The following PSMD14 variants were observed in gnomAD, a reference collection of about 807,000 sequenced individuals.
PSMD14 encodes ubiquitin C-terminal hydrolase PSMD14.
PSMD14 carries 7 observed loss-of-function variants against 41.2 expected under a neutral mutation model. The ratio of observed to expected loss-of-function variants is 0.17; its 90% confidence interval spans 0.10 to 0.32. The LOEUF (loss-of-function observed/expected upper bound fraction) is 0.32, where lower values mean the gene tolerates loss of function less well. Ranked by LOEUF, PSMD14 falls within the 10% of genes least tolerant of loss-of-function variation. PSMD14 has a pLI of 1.00. For synonymous variants in PSMD14, 114 were observed against 122.3 expected (o/e 0.93, Z 0.45); for missense variants, 139 against 375.6 (o/e 0.37, Z 5.21).
At chr2:161,374,130 A>T (rs1257653717) in intron 7 of PSMD14, among the ~76,000 whole-genome samples, 2 of 151,938 alleles carry the variant, frequency 1.3e-5, no homozygotes, top group Admixed American at 1.3e-4. Flanking sequence ...GTATTAAACC[A>T]CTATGAATGA....
At chr2:161,371,053 C>A in intron 6 of PSMD14, 119 bp from the exon 7 acceptor site, 1 of 1,155,420 alleles carries the variant, frequency 8.7e-7, no homozygotes, top group South Asian at 1.8e-5. Flanking sequence ...GGTGCTTTTT[C>A]ACACCTGTGT....
At chr2:161,340,907 G>A in intron 3 of PSMD14, 1 of 1,613,902 alleles carries the variant, frequency 6.2e-7, no homozygotes, top group Non-Finnish European at 8.5e-7. Flanking sequence ...TGTATTTGAA[G>A]GAGAAGCCTT....
At chr2:161,341,790 G>T (rs1023490854) in intron 3 of PSMD14, among the ~76,000 whole-genome samples, 1 of 141,310 alleles carries the variant, frequency 7.1e-6, no homozygotes, top group African/African-American at 2.7e-5. Context: ...AGTGAGCCGA[G>T]ATCAGCCACT....
chr2:161,353,862 T>G (rs1683154320), intron 3 of PSMD14, among the ~76,000 whole-genome samples: 1 of 152,224 alleles, frequency 6.6e-6, no homozygotes, highest in African/African-American at 2.4e-5. Context: ...TCTCTGTGTG[T>G]AATATTTCAT....
rs768224815 is a variant in PSMD14, at chr2:161,402,642, TAAACA to T, written c.772-6176_772-6172del. On this transcript the variant is annotated intron_variant, in intron 10 of 11. Coordinates refer to ENST00000409682, the MANE Select transcript of PSMD14 (RefSeq NM_005805.6). ...GGCAACAGAGCAAGGCTCTGTCTCT[TAAACA>T]AAACAAAACAAAACAAAAATGAAAA... 1.4e-3 allele frequency among the ~76,000 whole-genome samples: 215 copies of T among 150,716 alleles called. 1 individual carries two copies. The highest frequency in any genetic ancestry group is 2.3e-3 in the South Asian group (11 of 4,736).
At chr2:161,314,107 A>G (rs1441879838) in intron 1 of PSMD14, among the ~76,000 whole-genome samples, 2 of 152,244 alleles carry the variant, frequency 1.3e-5, no homozygotes, top group African/African-American at 2.4e-5. Context: ...TTTTAGATTT[A>G]TAGGCACCAT....
intron 9 of PSMD14, among the ~76,000 whole-genome samples, chr2:161,392,445 C>T (rs1683724942): frequency 1.3e-5 from 2 of 152,266 alleles, no homozygotes; most frequent in Admixed American, 6.5e-5. Flanking sequence ...GTGAGTTGGG[C>T]TCTCCACGCT....
At chr2:161,401,202 C>A (rs1269449749) in intron 10 of PSMD14, among the ~76,000 whole-genome samples, 1 of 152,186 alleles carries the variant, frequency 6.6e-6, no homozygotes, top group East Asian at 1.9e-4. Flanking sequence ...TTTTCTCTAG[C>A]TTACTTCGTT....
At chr2:161,331,778 G>A (rs1285162201) in intron 3 of PSMD14, among the ~76,000 whole-genome samples, 1 of 152,194 alleles carries the variant, frequency 6.6e-6, no homozygotes, top group South Asian at 2.1e-4. Context: ...AAAAAATGGG[G>A]TGGGGGAGCA....
chr2:161,385,696 T>A, intron 8 of PSMD14, 125 bp downstream of exon 8: 1 of 562,066 alleles, frequency 1.8e-6, no homozygotes, highest in Non-Finnish European at 3.0e-6. Flanking sequence ...TCTTTTGTTT[T>A]AAAAGAATTG....
chr2:161,311,453 A>G (rs1171357541), intron 1 of PSMD14, among the ~76,000 whole-genome samples: 3 of 152,114 alleles, frequency 2.0e-5, no homozygotes, highest in Non-Finnish European at 2.9e-5. Flanking sequence ...TTTAAAGTAT[A>G]TAGGAGGATG....
chr2:161,310,613 T>C (rs546988993), intron 1 of PSMD14, among the ~76,000 whole-genome samples: 4 of 152,218 alleles, frequency 2.6e-5, no homozygotes. Flanking sequence ...ATAACAAGAA[T>C]AGCAACGACA....
intron 9 of PSMD14, among the ~76,000 whole-genome samples, chr2:161,394,051 A>G (rs1246470141): frequency 6.8e-6 from 1 of 147,750 alleles, no homozygotes; most frequent in Non-Finnish European, 1.5e-5. Context: ...GCTCACTGCA[A>G]CCTCCGTCTC....
chr2:161,333,800 A>G (rs1244291675), intron 3 of PSMD14, among the ~76,000 whole-genome samples: 1 of 152,220 alleles, frequency 6.6e-6, no homozygotes, highest in African/African-American at 2.4e-5. Flanking sequence ...TGGGAGGCCA[A>G]GGCAGGCGGA....
chr2:161,385,689 T>A, intron 8 of PSMD14, 118 bp downstream of exon 8: 1 of 579,002 alleles, frequency 1.7e-6, no homozygotes, highest in African/African-American at 1.9e-5. Context: ...TAATTTTTCT[T>A]TTGTTTTAAA....
rs559437189 is a variant in PSMD14, at chr2:161,391,406, TAAATC to T, written c.645+232_645+236del. Among the ~76,000 whole-genome samples, 12 of 152,252 alleles carry T rather than the reference TAAATC, an allele frequency of 7.9e-5. No individual in the cohort carries two copies. The South Asian group carries it at 2.5e-3, about 32-fold the overall frequency. On this transcript the variant is annotated intron_variant, in intron 9 of 11. Coordinates refer to ENST00000409682, the MANE Select transcript of PSMD14 (RefSeq NM_005805.6). ...CTGAAGTGGGAGAGGAAGTAGGAAA[TAAATC>T]AAACGTTCCACTTTGGTTTTATGAT...
In PSMD14 at chr2:161,339,399, G is replaced by A. The variant is rs190126206; in HGVS notation, c.48+20526G>A. ...TTTTCTGGATGACTGATGATGGTGA[G>A]CATCTTTTTATGTGCTTATTTGCCA... On this transcript the variant is annotated intron_variant, in intron 3 of 11. Coordinates refer to ENST00000409682, the MANE Select transcript of PSMD14 (RefSeq NM_005805.6). 1.8e-4 allele frequency among the ~76,000 whole-genome samples: 28 copies of A among 151,930 alleles called. 1 individual carries two copies. Among genetic ancestry groups the A allele is most frequent in the Admixed American group, 1.6e-3 (25 of 15,276 alleles).
chr2:161,382,628 G>T (rs925928649), intron 7 of PSMD14: 1 of 151,704 alleles, frequency 6.6e-6, no homozygotes, highest in African/African-American at 2.4e-5. Context: ...GTATTGTGTA[G>T]GCCTTCAGCA....
chr2:161,360,188 T>C (rs964843933), intron 3 of PSMD14, among the ~76,000 whole-genome samples: 1 of 117,160 alleles, frequency 8.5e-6, no homozygotes, highest in Non-Finnish European at 1.8e-5. Context: ...TATATATGCA[T>C]GTATTTTTTT....
Sources: gnomAD v4.1 joint callset for allele counts (sites outside exome capture counted in the v4.1 genomes callset) on GRCh38, gnomAD v4.1.1 for gene constraint, MANE v1.5 for transcripts, NCBI Gene and HGNC (gene_info 2026-07-23, HGNC 2026-07-21) for gene names.